Variants in C10orf90 observed in about 807,000 individuals in gnomAD.
The protein encoded by C10orf90 is (E2-independent) E3 ubiquitin-conjugating enzyme FATS.
In C10orf90, 56 loss-of-function variants were observed where a neutral mutation model predicts 62.5. The observed-to-expected ratio is 0.90, with a 90% CI of 0.72 to 1.12. The LOEUF (loss-of-function observed/expected upper bound fraction) is 1.12. Ranked by LOEUF, C10orf90 falls within the 50% of genes most tolerant of loss-of-function variation. C10orf90 has a pLI of 0.00. For synonymous variants in C10orf90, 386 were observed against 340.4 expected, an observed-to-expected ratio of 1.13 and a Z score of -1.47; for missense variants, 970 against 880.4, an observed-to-expected ratio of 1.10 and a Z score of -1.29.
At chr10:126,564,607 T>C (rs572866025) in intron 2 of C10orf90, among the ~76,000 whole-genome samples, 1 of 149,770 alleles carries the variant, frequency 6.7e-6, no homozygotes, top group African/African-American at 2.5e-5. Context: ...ATTGAAACCA[T>C]AGCAACCTCC....
intron 2 of C10orf90, among the ~76,000 whole-genome samples, chr10:126,606,305 G>C (rs1328484067): frequency 6.6e-6 from 1 of 152,152 alleles, no homozygotes. Flanking sequence ...TAAATGATTT[G>C]GGTTTCAAAA....
chr10:126,543,345 G>T (rs1318748697), intron 2 of C10orf90, among the ~76,000 whole-genome samples: 1 of 152,132 alleles, frequency 6.6e-6, no homozygotes, highest in Non-Finnish European at 1.5e-5. Context: ...GCCTCAAAAG[G>T]TTATCGAGAG....
intron 1 of C10orf90, among the ~76,000 whole-genome samples, chr10:126,663,479 A>G (rs1224202376): frequency 6.6e-6 from 1 of 152,192 alleles, no homozygotes; most frequent in Non-Finnish European, 1.5e-5. Context: ...CTCTTTGGAA[A>G]AATAGGCCTC....
At chr10:126,662,015 AAT>A (rs1846525030) in intron 1 of C10orf90, among the ~76,000 whole-genome samples, 1 of 151,848 alleles carries the variant, frequency 6.6e-6, no homozygotes, top group Admixed American at 6.6e-5. Context: ...GGATTCTTTG[AAT>A]GTTTAGTAAT....
Position 126,461,408 on chromosome 10 carries a change from G to T in C10orf90, c.2003C>A (p.Thr668Asn). The change falls in exon 6 of 10, where the codon ACC (threonine) becomes AAC (asparagine). Residue 668 changes from threonine (T) to asparagine (N), a missense_variant. Coordinates refer to ENST00000488181, the MANE Select transcript of C10orf90 (RefSeq NM_001350921.2). ...ESQQTPARSL[T>N]LQEALEVRKP... ...ACACACAGAAGGCCTTACTTGCAAG[G>T]TCAAAGATCTTGCAGGCGTTTGCTG... The T allele has an allele frequency of 6.2e-7, 1 of 1,613,982 alleles. No homozygotes were observed.
intron 2 of C10orf90, among the ~76,000 whole-genome samples, chr10:126,633,140 A>T (rs767027914): frequency 8.5e-5 from 13 of 152,194 alleles, no homozygotes; most frequent in Non-Finnish European, 1.8e-4. Context: ...CAATCATGTG[A>T]TAAAACTGCC....
intron 4 of C10orf90, among the ~76,000 whole-genome samples, chr10:126,489,820 G>C (rs1360299315): frequency 6.7e-6 from 1 of 150,286 alleles, no homozygotes; most frequent in African/African-American, 2.4e-5. Flanking sequence ...GTCAAAAGGT[G>C]GTAGCAACCC....
At chr10:126,571,130 G>A (rs771942151) in intron 2 of C10orf90, among the ~76,000 whole-genome samples, 32 of 152,212 alleles carry the variant, frequency 2.1e-4, no homozygotes, top group Non-Finnish European at 1.5e-4. Context: ...AATTGGAAAC[G>A]TAAACGCAGT....
At chr10:126,450,143 A>T (rs1859080406) in intron 7 of C10orf90, among the ~76,000 whole-genome samples, 1 of 152,218 alleles carries the variant, frequency 6.6e-6, no homozygotes, top group Non-Finnish European at 1.5e-5. Context: ...ATATATGTAC[A>T]CTAAAAGCTA....
chr10:126,497,325 A>T (rs1002730930), intron 4 of C10orf90, among the ~76,000 whole-genome samples: 2 of 152,026 alleles, frequency 1.3e-5, no homozygotes, highest in Non-Finnish European at 2.9e-5. Context: ...TAAACAACGC[A>T]GGGAGGCTGA....
Position 126,426,077 on chromosome 10 carries a change from A to G in C10orf90, c.2266T>C (p.Leu756=). 6.2e-7 allele frequency: 1 copy of G among 1,613,840 alleles called. No individual in the cohort carries two copies. Residue 756 remains leucine, a synonymous_variant, in exon 9 of 10, where the codon TTG becomes CTG. Transcript: ENST00000488181. ...HMRSKRIYDN[L]PEVKKKKEEQ... ...TCTTTTTTCTTTTTAACTTCCGGCA[A>G]GTTATCATAGATTCTGAAACAGATT...
At chr10:126,565,560 C>T (rs116233108) in intron 2 of C10orf90, among the ~76,000 whole-genome samples, 147 of 149,750 alleles carry the variant, frequency 9.8e-4, no homozygotes, top group African/African-American at 3.6e-3. Flanking sequence ...TTATTAGCAT[C>T]TGGAAAACTG....
At chr10:126,554,977 G>T (rs1864726449) in intron 2 of C10orf90, among the ~76,000 whole-genome samples, 1 of 152,144 alleles carries the variant, frequency 6.6e-6, no homozygotes, top group Non-Finnish European at 1.5e-5. Flanking sequence ...CCTTCCTCAG[G>T]AGTCTTTTAA....
chr10:126,471,945 G>A (rs1007087752), intron 4 of C10orf90, among the ~76,000 whole-genome samples: 3 of 148,816 alleles, frequency 2.0e-5, no homozygotes, highest in Admixed American at 2.0e-4. Context: ...ACACACACGT[G>A]CACACACTCA....
At chr10:126,629,831 G>A (rs1845816897) in intron 2 of C10orf90, among the ~76,000 whole-genome samples, 1 of 152,340 alleles carries the variant, frequency 6.6e-6, no homozygotes, top group African/African-American at 2.4e-5. Context: ...TCCAGGGACA[G>A]GCCAGGCAGA....
chr10:126,465,838 T>TA (rs1402507631), intron 4 of C10orf90, among the ~76,000 whole-genome samples: 4 of 152,176 alleles, frequency 2.6e-5, no homozygotes, highest in African/African-American at 9.7e-5. Context: ...GGATGTGGGT[T>TA]AATCTGTAAG....
intron 7 of C10orf90, among the ~76,000 whole-genome samples, chr10:126,432,683 G>A (rs1320230493): frequency 1.3e-5 from 2 of 152,374 alleles, no homozygotes; most frequent in Admixed American, 1.3e-4. Flanking sequence ...CATCGTGGCT[G>A]TGCGGGGAGG....
chr10:126,466,463 C>A (rs866895493), intron 4 of C10orf90, among the ~76,000 whole-genome samples: 9 of 152,038 alleles, frequency 5.9e-5, no homozygotes, highest in Admixed American at 5.2e-4. Flanking sequence ...GACTACCAAC[C>A]CCTCTCATCA....
rs918076235 is a variant in C10orf90, at chr10:126,515,269, G to A, written c.314-1330C>T. 4.6e-5 allele frequency among the ~76,000 whole-genome samples: 7 copies of A among 152,270 alleles called. No homozygotes were observed. In the South Asian group the frequency reaches 8.3e-4, roughly 18 times the overall value. ...AAAAGTAGTGTAGCCTAAGTGTGTA[G>A]TGCTCATAGTCTGCAGTAGCAGACA... On this transcript the variant is annotated intron_variant, in intron 2 of 9. Coordinates refer to ENST00000488181, the MANE Select transcript of C10orf90 (RefSeq NM_001350921.2).
Sources: allele counts gnomAD v4.1 joint callset (sites outside exome capture counted in the v4.1 genomes callset), GRCh38; gene constraint gnomAD v4.1.1; transcripts MANE v1.5; gene names NCBI Gene and HGNC (gene_info 2026-07-23, HGNC 2026-07-21).